The following CDH4 variants were observed in gnomAD, a reference collection of about 807,000 sequenced individuals.
The protein encoded by CDH4 is cadherin-4.
CDH4 carries 33 observed loss-of-function variants against 86.0 expected under a neutral mutation model. The ratio of observed to expected loss-of-function variants is 0.38; its 90% CI spans 0.29 to 0.51. The LOEUF (loss-of-function observed/expected upper bound fraction) is 0.51. Ranked by LOEUF, CDH4 falls within the 20% of genes least tolerant of loss-of-function variation. The pLI is 0.86. For synonymous variants in CDH4, 555 were observed against 549.4 expected (o/e 1.01, Z -0.14); for missense variants, 1,114 against 1,307.4 (o/e 0.85, Z 2.28).
At chr20:61,255,076 T>G in intron 2 of CDH4, 139 bp downstream of exon 2, 5 of 635,066 alleles carry the variant, frequency 7.9e-6, no homozygotes. Flanking sequence ...GAGGTGCAAA[T>G]TGGTTGACCT....
At chr20:61,882,976 C>A (rs1984354465) in intron 7 of CDH4, among the ~76,000 whole-genome samples, 1 of 152,186 alleles carries the variant, frequency 6.6e-6, no homozygotes, top group South Asian at 2.1e-4. Context: ...CTGCTCTGTC[C>A]ACGCCCAGAA....
At chr20:61,711,155 G>A (rs961171983) in intron 2 of CDH4, among the ~76,000 whole-genome samples, 9 of 152,162 alleles carry the variant, frequency 5.9e-5, no homozygotes, top group African/African-American at 2.2e-4. Flanking sequence ...TATTGAGTGC[G>A]TTCTCATGAA....
intron 2 of CDH4, among the ~76,000 whole-genome samples, chr20:61,466,419 C>A (rs942820449): frequency 1.3e-5 from 2 of 152,168 alleles, no homozygotes; most frequent in Non-Finnish European, 1.5e-5. Context: ...GCAGGTGCAT[C>A]ATATGACTAA....
chr20:61,747,857 A>G (rs2088436806), intron 3 of CDH4, among the ~76,000 whole-genome samples: 2 of 152,202 alleles, frequency 1.3e-5, no homozygotes, highest in Admixed American at 1.3e-4. Context: ...TTGAAAATAT[A>G]GTGGCAGAAA....
chr20:61,514,361 AT>A (rs1488067477), intron 2 of CDH4, among the ~76,000 whole-genome samples: 1 of 116,424 alleles, frequency 8.6e-6, no homozygotes, highest in Non-Finnish European at 1.6e-5. Context: ...AGTGGTTGGC[AT>A]TTTCTGTCTG....
At chr20:61,825,539 A>G (rs1981267985) in intron 4 of CDH4, among the ~76,000 whole-genome samples, 1 of 152,214 alleles carries the variant, frequency 6.6e-6, no homozygotes, top group African/African-American at 2.4e-5. Flanking sequence ...AGTGCCTCGT[A>G]TAAAGATCTC....
chr20:61,933,172 C>T (rs754945861), intron 14 of CDH4, 48 bp downstream of exon 14: 7 of 1,594,980 alleles, frequency 4.4e-6, no homozygotes, highest in South Asian at 2.3e-5. Context: ...CCGGCTCTCA[C>T]GTGTACTAGT....
chr20:61,549,267 G>T (rs2086110393), intron 2 of CDH4, among the ~76,000 whole-genome samples: 1 of 152,238 alleles, frequency 6.6e-6, no homozygotes, highest in Admixed American at 6.5e-5. Context: ...AAAGTGGTTG[G>T]AGTTTTATGG....
chr20:61,405,256 G>A (rs548634827), intron 2 of CDH4, among the ~76,000 whole-genome samples: 4 of 151,468 alleles, frequency 2.6e-5, no homozygotes, highest in Admixed American at 1.3e-4. Flanking sequence ...CCCACGCGCC[G>A]TTCTCGGGCA....
At chr20:61,574,629 G>A (rs1015703969) in intron 2 of CDH4, among the ~76,000 whole-genome samples, 7 of 152,174 alleles carry the variant, frequency 4.6e-5, no homozygotes, top group Admixed American at 3.9e-4. Flanking sequence ...GAGAAATACT[G>A]CGTCCGGCCA....
At chr20:61,934,978 C>G (rs540309757) in intron 15 of CDH4, among the ~76,000 whole-genome samples, 7 of 152,376 alleles carry the variant, frequency 4.6e-5, no homozygotes, top group Admixed American at 4.6e-4. Context: ...TCCCTGTCTT[C>G]GTTCCCGTCT....
chr20:61,626,733 G>A (rs1444707174), intron 2 of CDH4, among the ~76,000 whole-genome samples: 1 of 152,212 alleles, frequency 6.6e-6, no homozygotes, highest in East Asian at 1.9e-4. Flanking sequence ...TGAACAGGAA[G>A]GAATGTGTAA....
intron 3 of CDH4, among the ~76,000 whole-genome samples, chr20:61,772,010 G>A (rs954130950): frequency 8.5e-5 from 13 of 152,300 alleles, no homozygotes; most frequent in East Asian, 3.9e-4. Flanking sequence ...GAGTGACCGC[G>A]GGGACCCAGC....
chr20:61,277,474 G>A (rs2084237148), intron 2 of CDH4, among the ~76,000 whole-genome samples: 1 of 152,152 alleles, frequency 6.6e-6, no homozygotes. Flanking sequence ...CTCACATGAA[G>A]CCTTCTTCCC....
intron 2 of CDH4, among the ~76,000 whole-genome samples, chr20:61,367,204 T>G (rs1226175437): frequency 2.6e-5 from 4 of 151,954 alleles, no homozygotes; most frequent in African/African-American, 9.7e-5. Flanking sequence ...GGCTCCAGAG[T>G]GCCTCCGGGG....
intron 2 of CDH4, among the ~76,000 whole-genome samples, chr20:61,565,249 T>G (rs2086273259): frequency 1.3e-5 from 1 of 77,520 alleles, no homozygotes; most frequent in Non-Finnish European, 2.8e-5. Context: ...GTGGCGGTGC[T>G]CTTGGTGATG....
At chr20:61,828,799 T>G (rs1448649635) in intron 4 of CDH4, among the ~76,000 whole-genome samples, 1 of 152,232 alleles carries the variant, frequency 6.6e-6, no homozygotes, top group Non-Finnish European at 1.5e-5. Flanking sequence ...CCTCAGCGTA[T>G]GCTTGTAAAG....
chr20:61,846,523 G>A (rs772289486), intron 5 of CDH4, among the ~76,000 whole-genome samples: 2 of 151,778 alleles, frequency 1.3e-5, no homozygotes, highest in Non-Finnish European at 2.9e-5. Flanking sequence ...CACACACACA[G>A]AGATAGAGAT....
chr20:61,448,628 T>A (rs2085364790), intron 2 of CDH4, among the ~76,000 whole-genome samples: 3 of 152,098 alleles, frequency 2.0e-5, no homozygotes, highest in African/African-American at 7.2e-5. Flanking sequence ...CAAGAGGAGT[T>A]TTTTGTATTG....
Sources: allele counts gnomAD v4.1 joint callset (sites outside exome capture counted in the v4.1 genomes callset), GRCh38; gene constraint gnomAD v4.1.1; transcripts MANE v1.5; gene names NCBI Gene and HGNC (gene_info 2026-07-23, HGNC 2026-07-21).